ADARB2: variants seen among roughly 807,000 people sequenced by gnomAD.
ADARB2 encodes the protein adenosine deaminase RNA specific B2 (inactive).
In ADARB2, 25 loss-of-function variants were observed where a neutral mutation model predicts 62.2. The ratio of observed to expected loss-of-function variants is 0.40; its 90% confidence interval spans 0.29 to 0.56. The LOEUF (loss-of-function observed/expected upper bound fraction) is 0.56. ADARB2 is among the 20% of genes least tolerant of loss of function. The pLI, the probability that ADARB2 is intolerant of heterozygous loss-of-function variation, is 0.43. For synonymous variants in ADARB2, 572 were observed against 500.8 expected (o/e 1.14, Z -1.90); for missense variants, 1,071 against 1,077.4 (o/e 0.99, Z 0.08).
At chr10:1,218,650 A>G (rs1438021025) in intron 6 of ADARB2, among the ~76,000 whole-genome samples, 1 of 152,096 alleles carries the variant, frequency 6.6e-6, no homozygotes, top group Non-Finnish European at 1.5e-5. Context: ...GTGGGAGATG[A>G]CTGGATCATG....
At chr10:1,226,822 TG>T (rs1564227203) in intron 6 of ADARB2, among the ~76,000 whole-genome samples, 3 of 150,066 alleles carry the variant, frequency 2.0e-5, no homozygotes, top group South Asian at 2.1e-4. Flanking sequence ...CTGCCTCTAT[TG>T]GGGGGGTGCC....
At chr10:1,736,959 A>G in intron 1 of ADARB2, 92 bp downstream of exon 1, 1 of 1,340,730 alleles carries the variant, frequency 7.5e-7, no homozygotes, top group Non-Finnish European at 1.0e-6. Flanking sequence ...GAAGCTGCTC[A>G]CAACGGACAA....
chr10:1,223,700 G>A (rs192490157), intron 6 of ADARB2, among the ~76,000 whole-genome samples: 7 of 152,066 alleles, frequency 4.6e-5, no homozygotes, highest in African/African-American at 1.4e-4. Flanking sequence ...TTTGTCTTTG[G>A]CTCTGTTTAT....
intron 1 of ADARB2, among the ~76,000 whole-genome samples, chr10:1,381,961 C>T (rs1376264950): frequency 1.3e-5 from 2 of 151,978 alleles, no homozygotes; most frequent in African/African-American, 4.8e-5. Context: ...CATGTATTGC[C>T]CACTTGAAAT....
chr10:1,652,089 G>A (rs995044924), intron 1 of ADARB2, among the ~76,000 whole-genome samples: 2 of 152,208 alleles, frequency 1.3e-5, no homozygotes, highest in African/African-American at 4.8e-5. Flanking sequence ...TAATTTGGGT[G>A]AACTCTGATT....
chr10:1,719,754 AAAG>A (rs1370231166), intron 1 of ADARB2, among the ~76,000 whole-genome samples: 1 of 152,136 alleles, frequency 6.6e-6, no homozygotes, highest in African/African-American at 2.4e-5. Flanking sequence ...CACGTTCTCT[AAAG>A]AAGACAAACA....
intron 1 of ADARB2, among the ~76,000 whole-genome samples, chr10:1,712,802 G>C (rs780352891): frequency 2.0e-5 from 3 of 151,788 alleles, no homozygotes; most frequent in Non-Finnish European, 4.4e-5. Context: ...GTAGAGACAG[G>C]GTTTCACCGT....
intron 1 of ADARB2, among the ~76,000 whole-genome samples, chr10:1,585,639 A>G (rs867193498): frequency 2.0e-5 from 3 of 152,356 alleles, no homozygotes; most frequent in Middle Eastern, 3.4e-3. Flanking sequence ...ATGACCTGGA[A>G]GCCCCTGCTG....
At chr10:1,735,939 C>T (rs12769731) in intron 1 of ADARB2, among the ~76,000 whole-genome samples, 12,645 of 152,212 alleles carry the variant, frequency 0.083, 690 homozygotes, top group East Asian at 0.22. Flanking sequence ...AGAAACTTAT[C>T]TTAGGCCAAT....
chr10:1,220,297 A>ATGG (rs1397587788), intron 6 of ADARB2, among the ~76,000 whole-genome samples: 11 of 107,820 alleles, frequency 1.0e-4, no homozygotes, highest in Middle Eastern at 6.4e-3. Context: ...GGTGGTGGTG[A>ATGG]TGGTGGTGAT....
At chr10:1,611,152 C>A (rs1006512959) in intron 1 of ADARB2, among the ~76,000 whole-genome samples, 3 of 152,160 alleles carry the variant, frequency 2.0e-5, no homozygotes, top group Non-Finnish European at 4.4e-5. Flanking sequence ...ACCCGGCTTT[C>A]CCCAGAAAGG....
At chr10:1,220,908 T>A (rs535372450) in intron 6 of ADARB2, among the ~76,000 whole-genome samples, 1 of 152,366 alleles carries the variant, frequency 6.6e-6, no homozygotes, top group South Asian at 2.1e-4. Context: ...AGACTAATTT[T>A]GCCTGAGGAG....
chr10:1,267,695 C>G (rs930460174), intron 4 of ADARB2, among the ~76,000 whole-genome samples: 1 of 152,184 alleles, frequency 6.6e-6, no homozygotes, highest in Non-Finnish European at 1.5e-5. Context: ...TCTAGCAACA[C>G]AAGTGAATCA....
At chr10:1,733,603 G>A (rs1189318043) in intron 1 of ADARB2, among the ~76,000 whole-genome samples, 1 of 151,898 alleles carries the variant, frequency 6.6e-6, no homozygotes, top group Non-Finnish European at 1.5e-5. Flanking sequence ...GTTGAGTTCT[G>A]CCTCTTAATC....
chr10:1,495,500 C>G (rs761566357), intron 1 of ADARB2, among the ~76,000 whole-genome samples: 1 of 152,026 alleles, frequency 6.6e-6, no homozygotes, highest in African/African-American at 2.4e-5. Flanking sequence ...ACATTTATAC[C>G]CAGGTTGATG....
At position 1,610,192 on chromosome 10, in the gene ADARB2, C is replaced by T. The variant is rs968028672; in HGVS notation, c.100+126859G>A. ...TGTTCTCAGGATCCTTCCAGAATCA[C>T]CGTGGGCTCCCTGCCTCCCTGCAGC... On this transcript the variant is annotated intron_variant, in intron 1 of 9. Transcript: ENST00000381312. Among the ~76,000 whole-genome samples, 18 of 152,300 alleles carry T rather than the reference C, an allele frequency of 1.2e-4. 1 individual carries two copies. Among genetic ancestry groups the T allele is most frequent in the African/African-American group, 4.3e-4 (18 of 41,560 alleles).
In ADARB2 at chr10:1,183,362, G is replaced by T; in HGVS notation, c.2051C>A (p.Thr684Lys). ...CGTGTCTCCAGGGCTGGGTGTCCGTGTGCTCAGCTGCGGACAAGAAGGAGA... is the reference window on the plus strand; with the variant it reads ...CGTGTCTCCAGGGCTGGGTGTCCGTTTGCTCAGCTGCGGACAAGAAGGAGA... Reference protein sequence around the residue: ...RWARLYGRLSTRTPSPGDTPS... With the variant: ...RWARLYGRLSKRTPSPGDTPS... The change falls in exon 10 of 10, where the codon ACA becomes AAA. Residue 684 changes from threonine (T) to lysine (K), a missense_variant. By Grantham distance (78) the Thr-to-Lys change is moderately conservative (BLOSUM62 -1). Coordinates refer to ENST00000381312, the MANE Select transcript of ADARB2 (RefSeq NM_018702.4). 2 of 1,610,660 alleles carry T rather than the reference G, an allele frequency of 1.2e-6. No individual in the cohort carries two copies. Among genetic ancestry groups the T allele is most frequent in the Non-Finnish European group, 1.7e-6 (2 of 1,177,104 alleles).
At chr10:1,641,600 C>T (rs10903523) in intron 1 of ADARB2, among the ~76,000 whole-genome samples, 75,135 of 152,180 alleles carry the variant, frequency 0.49, 20,783 homozygotes, top group East Asian at 0.69. Flanking sequence ...GTCTTTGCTG[C>T]GAGAGTGTGG....
At chr10:1,689,399 C>T (rs1412408248) in intron 1 of ADARB2, among the ~76,000 whole-genome samples, 6 of 152,176 alleles carry the variant, frequency 3.9e-5, no homozygotes, top group Admixed American at 6.5e-5. Flanking sequence ...TTCCTTGGTC[C>T]TGCCAACCTG....
Sources: allele counts gnomAD v4.1 joint callset (sites outside exome capture counted in the v4.1 genomes callset), GRCh38; gene constraint gnomAD v4.1.1; transcripts MANE v1.5; gene names NCBI Gene and HGNC (gene_info 2026-07-23, HGNC 2026-07-21).